The following XKR6 variants were observed in gnomAD, a reference collection of about 807,000 sequenced individuals.
XKR6 encodes the protein XK related 6.
Under a neutral mutation model 56.7 loss-of-function variants are expected in XKR6, and 22 were observed. The observed-to-expected ratio is 0.39, with a 90% CI of 0.28 to 0.55. The LOEUF (loss-of-function observed/expected upper bound fraction) is 0.55. Among genes scored for constraint, XKR6 ranks in the 20% least tolerant of loss-of-function variants. The pLI is 0.66. For missense variants in XKR6, 852 were observed against 889.0 expected (o/e 0.96, Z 0.53); for synonymous variants, 524 against 387.8 (o/e 1.35, Z -4.13).
chr8:11,028,554 G>C (rs953003338), intron 1 of XKR6, among the ~76,000 whole-genome samples: 3 of 152,206 alleles, frequency 2.0e-5, no homozygotes, highest in African/African-American at 7.2e-5. Context: ...CACCAGCAAT[G>C]AATGAGAGGC....
intron 1 of XKR6, among the ~76,000 whole-genome samples, chr8:10,976,197 C>T (rs988443683): frequency 1.3e-5 from 2 of 151,968 alleles, no homozygotes; most frequent in African/African-American, 4.8e-5. Flanking sequence ...AAAGTGCCCC[C>T]CCCCAACCTC....
At chr8:11,047,849 T>G (rs758157144) in intron 1 of XKR6, among the ~76,000 whole-genome samples, 19 of 152,368 alleles carry the variant, frequency 1.2e-4, no homozygotes, top group Admixed American at 2.0e-4. Context: ...TCTCACTACA[T>G]GATCCCAGGA....
intron 1 of XKR6, among the ~76,000 whole-genome samples, chr8:11,050,434 T>C (rs1248137153): frequency 6.6e-6 from 1 of 151,946 alleles, no homozygotes; most frequent in Non-Finnish European, 1.5e-5. Flanking sequence ...GCTCCGACAG[T>C]CTACAACTCT....
intron 1 of XKR6, among the ~76,000 whole-genome samples, chr8:11,055,150 C>T (rs1468527053): frequency 6.6e-6 from 1 of 152,180 alleles, no homozygotes; most frequent in Non-Finnish European, 1.5e-5. Context: ...GGGACTACTA[C>T]CCTGGAGTTT....
At chr8:11,147,658 A>G (rs1473910160) in intron 1 of XKR6, among the ~76,000 whole-genome samples, 1 of 151,700 alleles carries the variant, frequency 6.6e-6, no homozygotes, top group Non-Finnish European at 1.5e-5. Context: ...CTGTCTCAAA[A>G]AAAAAAAAAA....
chr8:10,965,091 G>A (rs1251479325), intron 1 of XKR6, among the ~76,000 whole-genome samples: 1 of 152,220 alleles, frequency 6.6e-6, no homozygotes, highest in Non-Finnish European at 1.5e-5. Flanking sequence ...TCTCAGCTTA[G>A]GAAACCATAT....
At chr8:11,158,827 G>A (rs1351435508) in intron 1 of XKR6, among the ~76,000 whole-genome samples, 3 of 152,086 alleles carry the variant, frequency 2.0e-5, no homozygotes, top group Non-Finnish European at 4.4e-5. Flanking sequence ...CAAAAATATA[G>A]GCAGAGATAA....
At chr8:11,151,937 C>T (rs574444526) in intron 1 of XKR6, among the ~76,000 whole-genome samples, 7 of 152,026 alleles carry the variant, frequency 4.6e-5, no homozygotes, top group South Asian at 2.1e-4. Context: ...AAACAAGTCC[C>T]GTTCAAAAGG....
intron 1 of XKR6, among the ~76,000 whole-genome samples, chr8:11,128,346 T>C (rs1455782059): frequency 6.6e-6 from 1 of 152,202 alleles, no homozygotes; most frequent in Non-Finnish European, 1.5e-5. Flanking sequence ...AGTCATTCAA[T>C]CTCAGGGCTT....
chr8:11,099,742 C>T (rs1798396319), intron 1 of XKR6, among the ~76,000 whole-genome samples: 1 of 152,142 alleles, frequency 6.6e-6, no homozygotes. Context: ...AAAACAAAGC[C>T]CCTGCCCTCC....
chr8:11,144,362 T>C (rs1800871948), intron 1 of XKR6, among the ~76,000 whole-genome samples: 1 of 150,004 alleles, frequency 6.7e-6, no homozygotes, highest in Non-Finnish European at 1.5e-5. Context: ...TGAGAAGTGA[T>C]GATACTAGAT....
At chr8:11,144,203 T>C (rs915318931) in intron 1 of XKR6, among the ~76,000 whole-genome samples, 2 of 145,438 alleles carry the variant, frequency 1.4e-5, no homozygotes, top group Non-Finnish European at 3.0e-5. Context: ...TTATTTGATG[T>C]AGTTTTGTTT....
intron 1 of XKR6, among the ~76,000 whole-genome samples, chr8:11,182,960 A>C (rs1260979128): frequency 3.9e-5 from 6 of 152,100 alleles, no homozygotes; most frequent in Admixed American, 3.3e-4. Flanking sequence ...AAGTGGAATC[A>C]CATAGTGTTT....
chr8:10,903,512 C>A (rs1171405685), intron 2 of XKR6, among the ~76,000 whole-genome samples: 1 of 152,102 alleles, frequency 6.6e-6, no homozygotes, highest in South Asian at 2.1e-4. Flanking sequence ...TGTGTCCCCC[C>A]CACAAAATCC....
intron 1 of XKR6, among the ~76,000 whole-genome samples, chr8:11,192,428 G>A (rs575432558): frequency 7.9e-5 from 12 of 152,224 alleles, no homozygotes; most frequent in African/African-American, 2.4e-4. Flanking sequence ...GATTACAGAC[G>A]TGAGCCACAG....
chr8:11,090,115 G>A (rs1303005862), intron 1 of XKR6, among the ~76,000 whole-genome samples: 2 of 152,092 alleles, frequency 1.3e-5, no homozygotes, highest in Non-Finnish European at 2.9e-5. Flanking sequence ...ACAGAGTCTT[G>A]CTCAGTCACC....
At chr8:11,158,975 T>G (rs1801661689) in intron 1 of XKR6, among the ~76,000 whole-genome samples, 1 of 152,182 alleles carries the variant, frequency 6.6e-6, no homozygotes, top group Non-Finnish European at 1.5e-5. Context: ...GGACACGTGA[T>G]TAAAAGTGTG....
chr8:11,131,819 AACGTGCTAT>A (rs1800116614), intron 1 of XKR6, among the ~76,000 whole-genome samples: 1 of 152,214 alleles, frequency 6.6e-6, no homozygotes, highest in Non-Finnish European at 1.5e-5. Context: ...TCAGTAGAGT[AACGTGCTAT>A]ACAGGCTTGA....
intron 1 of XKR6, among the ~76,000 whole-genome samples, chr8:11,107,577 G>A (rs1011246944): frequency 1.3e-5 from 2 of 152,150 alleles, no homozygotes; most frequent in Non-Finnish European, 2.9e-5. Context: ...ATGCAGATCT[G>A]GGCACGGATC....
Sources: allele counts gnomAD v4.1 joint callset (sites outside exome capture counted in the v4.1 genomes callset), GRCh38; gene constraint gnomAD v4.1.1; transcripts MANE v1.5; gene names NCBI Gene and HGNC (gene_info 2026-07-23, HGNC 2026-07-21).